Variants in CHRM3 observed in about 807,000 individuals in gnomAD.
The protein encoded by CHRM3 is muscarinic acetylcholine receptor M3.
In CHRM3, 11 loss-of-function variants were observed where a neutral mutation model predicts 41.8. The observed-to-expected ratio is 0.26, with a 90% CI of 0.17 to 0.44. The LOEUF is 0.44. Ranked by LOEUF, CHRM3 falls within the 20% of genes least tolerant of loss-of-function variation. The pLI is 1.00. For synonymous variants in CHRM3, 297 were observed against 301.4 expected (o/e 0.99, Z 0.15); for missense variants, 571 against 745.4 (o/e 0.77, Z 2.72).
At chr1:239,730,789 A>G (rs934058253) in intron 5 of CHRM3, among the ~76,000 whole-genome samples, 1 of 151,914 alleles carries the variant, frequency 6.6e-6, no homozygotes, top group African/African-American at 2.4e-5. Context: ...TACTTTAGAA[A>G]GATAACTCTA....
chr1:239,572,625 A>AT lies in CHRM3; in HGVS notation c.-313+26878dup, dbSNP rs1300298459. ...CATTTAAATGATGATTTCTGTTCTC[A>AT]TTAGGTATTTGCCATATTGTAACCT... On this transcript the variant is annotated intron_variant, in intron 3 of 6. Transcript: ENST00000676153. Among the ~76,000 whole-genome samples, 11 of 152,288 alleles carry AT rather than the reference A, an allele frequency of 7.2e-5. No homozygotes were observed. The South Asian group carries it at 1.2e-3, about 17-fold the overall frequency.
At chr1:239,815,972 A>G (rs2149012713) in intron 5 of CHRM3, among the ~76,000 whole-genome samples, 1 of 152,304 alleles carries the variant, frequency 6.6e-6, no homozygotes, top group South Asian at 2.1e-4. Context: ...GTAGTTCATC[A>G]GATATCAATA....
At chr1:239,455,963 C>T (rs937503825) in intron 1 of CHRM3, among the ~76,000 whole-genome samples, 8 of 152,028 alleles carry the variant, frequency 5.3e-5, no homozygotes, top group African/African-American at 9.7e-5. Context: ...GTGCTGTAGA[C>T]GAGGAAATGG....
At chr1:239,666,248 G>T (rs1005633281) in intron 4 of CHRM3, among the ~76,000 whole-genome samples, 2 of 151,522 alleles carry the variant, frequency 1.3e-5, no homozygotes, top group Admixed American at 6.6e-5. Context: ...AGGCTGGAGT[G>T]CAGTGGCTTG....
At chr1:239,811,617 A>C (rs1410868998) in intron 5 of CHRM3, among the ~76,000 whole-genome samples, 1 of 152,200 alleles carries the variant, frequency 6.6e-6, no homozygotes, top group Non-Finnish European at 1.5e-5. Context: ...AAGCATTCTT[A>C]TAAAGCAAAG....
At chr1:239,847,807 C>T (rs1450458671) in intron 6 of CHRM3, among the ~76,000 whole-genome samples, 1 of 151,982 alleles carries the variant, frequency 6.6e-6, no homozygotes, top group African/African-American at 2.4e-5. Context: ...CCCAGCTACT[C>T]TAGAGGCTGA....
intron 5 of CHRM3, among the ~76,000 whole-genome samples, chr1:239,781,634 C>T (rs959971568): frequency 6.6e-6 from 1 of 152,074 alleles, no homozygotes; most frequent in Admixed American, 6.5e-5. Flanking sequence ...ATTGCATTAG[C>T]TGGAACTTCC....
At chr1:239,463,936 T>C (rs1374296387) in intron 1 of CHRM3, among the ~76,000 whole-genome samples, 3 of 152,176 alleles carry the variant, frequency 2.0e-5, no homozygotes, top group Non-Finnish European at 4.4e-5. Context: ...AATCATGCAG[T>C]ATTGGTCTTT....
At chr1:239,770,148 G>T (rs1005879557) in intron 5 of CHRM3, among the ~76,000 whole-genome samples, 1 of 152,124 alleles carries the variant, frequency 6.6e-6, no homozygotes, top group African/African-American at 2.4e-5. Flanking sequence ...GAGTACAGCC[G>T]ACCTATGGTA....
At chr1:239,666,211 G>T (rs1244056382) in intron 4 of CHRM3, among the ~76,000 whole-genome samples, 2 of 151,360 alleles carry the variant, frequency 1.3e-5, no homozygotes, top group Admixed American at 6.6e-5. Context: ...TTTTTGGCGG[G>T]GGGGATGGAG....
chr1:239,563,643 A>G (rs2148501655), intron 3 of CHRM3, among the ~76,000 whole-genome samples: 1 of 152,306 alleles, frequency 6.6e-6, no homozygotes, highest in Non-Finnish European at 1.5e-5. Flanking sequence ...ATTTCAATGG[A>G]AAAGTTGTGC....
At chr1:239,895,912 C>T (rs1423222232) in intron 6 of CHRM3, among the ~76,000 whole-genome samples, 1 of 152,096 alleles carries the variant, frequency 6.6e-6, no homozygotes, top group Non-Finnish European at 1.5e-5. Flanking sequence ...AAACCAAACC[C>T]CCACAACACA....
chr1:239,680,078 A>G (rs891830916), intron 5 of CHRM3, among the ~76,000 whole-genome samples: 2 of 152,034 alleles, frequency 1.3e-5, no homozygotes, highest in Non-Finnish European at 2.9e-5. Flanking sequence ...TTGTGTAAAA[A>G]CATCTCCCAA....
At chr1:239,798,296 C>T (rs537766673) in intron 5 of CHRM3, among the ~76,000 whole-genome samples, 20 of 152,172 alleles carry the variant, frequency 1.3e-4, no homozygotes, top group Admixed American at 5.9e-4. Flanking sequence ...TTCATAGTTA[C>T]GTTTTGGGGG....
intron 5 of CHRM3, among the ~76,000 whole-genome samples, chr1:239,790,395 G>A (rs1351682012): frequency 6.6e-6 from 1 of 152,134 alleles, no homozygotes; most frequent in Non-Finnish European, 1.5e-5. Context: ...AATCATGGGG[G>A]AAGTTTCCCC....
chr1:239,606,623 G>T (rs1189829391), intron 3 of CHRM3, among the ~76,000 whole-genome samples: 1 of 152,114 alleles, frequency 6.6e-6, no homozygotes. Context: ...TTTACATAAA[G>T]AATAGCTCTG....
At chr1:239,772,041 C>T (rs1667718050) in intron 5 of CHRM3, among the ~76,000 whole-genome samples, 1 of 152,064 alleles carries the variant, frequency 6.6e-6, no homozygotes, top group Admixed American at 6.6e-5. Context: ...ATACAGTGTG[C>T]GTAAAATTGA....
chr1:239,666,208 C>CG (rs1553357897), intron 4 of CHRM3, among the ~76,000 whole-genome samples: 6 of 148,372 alleles, frequency 4.0e-5, no homozygotes, highest in African/African-American at 9.9e-5. Context: ...TTTTTTTTGG[C>CG]GGGGGGGATG....
chr1:239,451,712 A>C (rs1477249268), intron 1 of CHRM3, among the ~76,000 whole-genome samples: 2 of 152,198 alleles, frequency 1.3e-5, no homozygotes, highest in Non-Finnish European at 2.9e-5. Flanking sequence ...AACACCCAGC[A>C]AAAGGATGGG....
Sources: gnomAD v4.1 joint callset for allele counts (sites outside exome capture counted in the v4.1 genomes callset) on GRCh38, gnomAD v4.1.1 for gene constraint, MANE v1.5 for transcripts, NCBI Gene and HGNC (gene_info 2026-07-23, HGNC 2026-07-21) for gene names.